The following HSD17B12 variants were observed in gnomAD, a reference collection of about 807,000 sequenced individuals.
HSD17B12 encodes the protein very-long-chain 3-oxoacyl-CoA reductase.
HSD17B12 carries 32 observed loss-of-function variants against 39.3 expected under a neutral mutation model. That is an observed-to-expected ratio of 0.81 (90% CI 0.61 to 1.09). The LOEUF is 1.09. Among genes scored for constraint, HSD17B12 ranks in the 50% least tolerant of loss-of-function variants. HSD17B12 has a pLI of 0.00. For missense variants in HSD17B12, 342 were observed against 382.9 expected, an observed-to-expected ratio of 0.89 and a Z score of 0.89; for synonymous variants, 150 against 146.7, an observed-to-expected ratio of 1.02 and a Z score of -0.16.
At chr11:43,655,673 T>C in the HSD17B12 span, among the ~76,000 whole-genome samples, 2 of 152,350 alleles carry the variant, frequency 1.3e-5, no homozygotes, top group East Asian at 1.9e-4. Flanking sequence ...TCATGTGGTT[T>C]TGTCTTTGGT....
the HSD17B12 span, among the ~76,000 whole-genome samples, chr11:43,668,359 AC>A: frequency 2.6e-5 from 4 of 152,060 alleles, no homozygotes; most frequent in Non-Finnish European, 5.9e-5. Context: ...TCTCTCTTTG[AC>A]CAAAGCTGGG....
chr11:43,746,239 T>C (rs1450121382), intron 1 of HSD17B12, among the ~76,000 whole-genome samples: 1 of 152,214 alleles, frequency 6.6e-6, no homozygotes, highest in Non-Finnish European at 1.5e-5. Flanking sequence ...CCCTTTTACT[T>C]TATAAATTTA....
At chr11:43,791,621 T>C (rs1476657571) in intron 3 of HSD17B12, among the ~76,000 whole-genome samples, 2 of 152,186 alleles carry the variant, frequency 1.3e-5, no homozygotes, top group Non-Finnish European at 2.9e-5. Context: ...GTTGACCTTT[T>C]GTTTACCAAG....
At chr11:43,701,615 C>G (rs1379863953) in intron 1 of HSD17B12, among the ~76,000 whole-genome samples, 1 of 152,110 alleles carries the variant, frequency 6.6e-6, no homozygotes, top group African/African-American at 2.4e-5. Context: ...TTCTTGGCAC[C>G]TTTGTTGAAA....
chr11:43,850,360 A>C (rs754039826), intron 9 of HSD17B12, among the ~76,000 whole-genome samples: 5 of 152,206 alleles, frequency 3.3e-5, no homozygotes, highest in African/African-American at 4.8e-5. Flanking sequence ...AATATTCTTC[A>C]TAGGAGCCCC....
chr11:43,648,661 A>G, the HSD17B12 span, among the ~76,000 whole-genome samples: 2 of 152,200 alleles, frequency 1.3e-5, no homozygotes, highest in Non-Finnish European at 2.9e-5. Flanking sequence ...AATTTTTTTT[A>G]TTTAGTAAAC....
chr11:43,829,491 A>G (rs1386645881), intron 6 of HSD17B12, among the ~76,000 whole-genome samples: 4 of 152,194 alleles, frequency 2.6e-5, no homozygotes, highest in Non-Finnish European at 5.9e-5. Context: ...GACATTTAAT[A>G]TATACATGAC....
chr11:43,658,869 G>A, the HSD17B12 span, among the ~76,000 whole-genome samples: 79 of 152,212 alleles, frequency 5.2e-4, no homozygotes, highest in Admixed American at 1.6e-3. Context: ...CAGTCTGCCC[G>A]TTCTTAGATC....
At chr11:43,685,013 T>A (rs1949785200) in intron 1 of HSD17B12, among the ~76,000 whole-genome samples, 1 of 152,224 alleles carries the variant, frequency 6.6e-6, no homozygotes, top group Non-Finnish European at 1.5e-5. Context: ...TCAAGTTTCA[T>A]CTATGAAATC....
At chr11:43,609,074 G>A in the HSD17B12 span, among the ~76,000 whole-genome samples, 2 of 151,628 alleles carry the variant, frequency 1.3e-5, no homozygotes, top group Non-Finnish European at 2.9e-5. Flanking sequence ...TACAATAGGT[G>A]CGCACCACCA....
chr11:43,727,327 G>A (rs1266793985), intron 1 of HSD17B12, among the ~76,000 whole-genome samples: 2 of 152,132 alleles, frequency 1.3e-5, no homozygotes, highest in South Asian at 4.1e-4. Context: ...CTACTCTTAC[G>A]TTATTGGGAT....
At chr11:43,738,523 C>G (rs1565069936) in intron 1 of HSD17B12, among the ~76,000 whole-genome samples, 1 of 152,158 alleles carries the variant, frequency 6.6e-6, no homozygotes, top group Non-Finnish European at 1.5e-5. Context: ...GAAAATCTCA[C>G]TTTTAGATGA....
At chr11:43,590,804 C>T in the HSD17B12 span, among the ~76,000 whole-genome samples, 2 of 124,708 alleles carry the variant, frequency 1.6e-5, no homozygotes, top group Admixed American at 9.6e-5. Flanking sequence ...GCACCCAGCT[C>T]GACTTTTTTT....
chr11:43,741,280 A>G (rs1950362082), intron 1 of HSD17B12, among the ~76,000 whole-genome samples: 1 of 152,320 alleles, frequency 6.6e-6, no homozygotes, highest in East Asian at 1.9e-4. Flanking sequence ...ACAGTAATCA[A>G]GTAATCAAGT....
chr11:43,690,679 T>C (rs890498187), intron 1 of HSD17B12, among the ~76,000 whole-genome samples: 1 of 152,034 alleles, frequency 6.6e-6, no homozygotes, highest in Non-Finnish European at 1.5e-5. Flanking sequence ...TCTAAAAATA[T>C]AGAGTAACCT....
the HSD17B12 span, among the ~76,000 whole-genome samples, chr11:43,629,503 A>AT: frequency 2.0e-5 from 3 of 152,196 alleles, no homozygotes; most frequent in Admixed American, 6.5e-5. Flanking sequence ...ACCAACACAG[A>AT]TGATTGTGGT....
the HSD17B12 span, among the ~76,000 whole-genome samples, chr11:43,671,154 A>G: frequency 6.6e-6 from 1 of 151,940 alleles, no homozygotes; most frequent in South Asian, 2.1e-4. Flanking sequence ...TCCCTTTCAC[A>G]TGGTTTTATT....
the HSD17B12 span, among the ~76,000 whole-genome samples, chr11:43,560,622 G>A: frequency 6.6e-6 from 1 of 152,160 alleles, no homozygotes; most frequent in African/African-American, 2.4e-5. Context: ...AATTCTGTAC[G>A]CATGGGCTAC....
chr11:43,757,787 TAAC>T (rs1019995740), intron 3 of HSD17B12, among the ~76,000 whole-genome samples: 1 of 151,120 alleles, frequency 6.6e-6, no homozygotes, highest in African/African-American at 2.4e-5. Context: ...GCTAGAGAGA[TAAC>T]AATAGAGAAG....
Sources: allele counts gnomAD v4.1 joint callset (sites outside exome capture counted in the v4.1 genomes callset), GRCh38; gene constraint gnomAD v4.1.1; transcripts MANE v1.5; gene names NCBI Gene and HGNC (gene_info 2026-07-23, HGNC 2026-07-21).